Variants in CREB5 observed in about 807,000 individuals in gnomAD.
The protein encoded by CREB5 is cAMP responsive element binding protein 5, also known as cyclic AMP-responsive element-binding protein 5.
CREB5 carries 19 observed loss-of-function variants against 57.1 expected under a neutral mutation model. That is an observed-to-expected ratio of 0.33 (90% CI 0.23 to 0.49). The LOEUF (loss-of-function observed/expected upper bound fraction) is 0.49. Ranked by LOEUF, CREB5 falls within the 20% of genes least tolerant of loss-of-function variation. The pLI is 0.99. For synonymous variants in CREB5, 238 were observed against 238.3 expected (o/e 1.00, Z 0.01); for missense variants, 579 against 671.6 (o/e 0.86, Z 1.52).
At chr7:28,357,178 G>A (rs150788950) in intron 1 of CREB5, among the ~76,000 whole-genome samples, 207 of 152,316 alleles carry the variant, frequency 1.4e-3, no homozygotes, top group African/African-American at 4.9e-3. Flanking sequence ...AGGGAAGGCT[G>A]TGTTGCTGGC....
chr7:28,301,962 G>A (rs1176224023), intron 1 of CREB5, among the ~76,000 whole-genome samples: 1 of 152,194 alleles, frequency 6.6e-6, no homozygotes, highest in Admixed American at 6.5e-5. Flanking sequence ...TCAGAGCTTT[G>A]ATATCTGGAG....
chr7:28,701,937 G>C (rs1311473530), intron 5 of CREB5, among the ~76,000 whole-genome samples: 4 of 152,172 alleles, frequency 2.6e-5, no homozygotes, highest in Admixed American at 1.3e-4. Context: ...TGAACCAATA[G>C]GCCAAAGAGT....
chr7:28,587,029 C>G (rs954640708), intron 5 of CREB5, among the ~76,000 whole-genome samples: 1 of 152,124 alleles, frequency 6.6e-6, no homozygotes, highest in Non-Finnish European at 1.5e-5. Flanking sequence ...GCTATGTGAC[C>G]AACCAAGATA....
chr7:28,548,429 CAGAAAATGACCG>C (rs2128631895), intron 4 of CREB5, among the ~76,000 whole-genome samples: 1 of 152,264 alleles, frequency 6.6e-6, no homozygotes, highest in Admixed American at 6.5e-5. Context: ...CAGGCTTACC[CAGAAAATGACCG>C]TTGTTAGTGA....
At chr7:28,515,653 G>T (rs1004972307) in intron 4 of CREB5, among the ~76,000 whole-genome samples, 3 of 151,776 alleles carry the variant, frequency 2.0e-5, no homozygotes, top group African/African-American at 7.3e-5. Context: ...ACCCTCTTTC[G>T]TTCCACTCCT....
At chr7:28,597,961 T>C (rs957731772) in intron 5 of CREB5, among the ~76,000 whole-genome samples, 2 of 151,798 alleles carry the variant, frequency 1.3e-5, no homozygotes, top group East Asian at 3.9e-4. Flanking sequence ...GGCAAGCTAA[T>C]GTTGATTTCC....
chr7:28,565,792 G>T (rs1339091102), intron 4 of CREB5, among the ~76,000 whole-genome samples: 1 of 152,000 alleles, frequency 6.6e-6, no homozygotes, highest in Admixed American at 6.5e-5. Context: ...GTGGTGGCAC[G>T]TGCCTGTAGT....
Position 28,824,114 on chromosome 7 carries a change from G to T in CREB5, c.*4835G>T, listed in dbSNP as rs922297383. ...AATACTTTACAGATATTTGCACCAG[G>T]TACATTTATGTGCGTCCATTGGTAG... On this transcript the variant is annotated 3_prime_UTR_variant, in exon 11 of 11. Transcript: ENST00000357727. 6.6e-6 allele frequency: 1 copy of T among 152,112 alleles called. No homozygotes were observed. The highest frequency in any genetic ancestry group is 6.6e-5 in the Admixed American group (1 of 15,226). The allele number at this position is 152,112 out of a possible 1,614,324, so 9.4% of individuals were successfully genotyped here.
At position 28,809,360 on chromosome 7, in the gene CREB5, G is replaced by C. The variant is rs948651576; in HGVS notation, c.1200G>C (p.Val400=). The C allele has an allele frequency of 3.1e-6, 5 of 1,614,034 alleles. No homozygotes were observed. Among genetic ancestry groups the C allele is most frequent in the Non-Finnish European group, 4.2e-6 (5 of 1,180,028 alleles). Reference sequence around the variant, plus strand: ...GCAGACAGAAGAGGAAGGTCTGGGTGATGTCATTGGAAAAGAAAGCAGAAG... The same window carrying C: ...GCAGACAGAAGAGGAAGGTCTGGGTCATGTCATTGGAAAAGAAAGCAGAAG... ...TRCRQKRKVW[V]MSLEKKAEEL... is the part of the protein sequence containing the mutation. Residue 400 remains valine, a synonymous_variant, in exon 9 of 11, where the codon GTG becomes GTC. Transcript: ENST00000357727.
chr7:28,651,401 G>C (rs1799123037), intron 5 of CREB5, among the ~76,000 whole-genome samples: 1 of 152,050 alleles, frequency 6.6e-6, no homozygotes, highest in Non-Finnish European at 1.5e-5. Flanking sequence ...TAATGTCATA[G>C]CAGCATATAG....
At chr7:28,515,909 A>AT (rs1554335824) in intron 4 of CREB5, among the ~76,000 whole-genome samples, 3 of 151,096 alleles carry the variant, frequency 2.0e-5, no homozygotes, top group Admixed American at 6.6e-5. Flanking sequence ...TTAAAGTAAA[A>AT]ATATATATAT....
At chr7:28,675,743 A>G (rs1205832551) in intron 5 of CREB5, among the ~76,000 whole-genome samples, 1 of 152,060 alleles carries the variant, frequency 6.6e-6, no homozygotes, top group African/African-American at 2.4e-5. Flanking sequence ...TGCAGTGTGG[A>G]TCCTGTTTCA....
chr7:28,702,425 T>G (rs2128738054), intron 5 of CREB5, among the ~76,000 whole-genome samples: 1 of 152,350 alleles, frequency 6.6e-6, no homozygotes, highest in East Asian at 1.9e-4. Flanking sequence ...AGCCTCAGGC[T>G]TCAGAAAAGC....
At chr7:28,697,064 AC>A (rs1222772706) in intron 5 of CREB5, among the ~76,000 whole-genome samples, 6 of 151,616 alleles carry the variant, frequency 4.0e-5, no homozygotes, top group Non-Finnish European at 7.4e-5. Flanking sequence ...TAATATGCAC[AC>A]ATACATATTT....
intron 5 of CREB5, among the ~76,000 whole-genome samples, chr7:28,702,095 TA>T (rs1216394579): frequency 1.3e-5 from 2 of 152,204 alleles, no homozygotes; most frequent in Non-Finnish European, 2.9e-5. Flanking sequence ...TTGAGTAATA[TA>T]ACAGAAGGTC....
At chr7:28,445,586 C>G (rs1221068092) in intron 1 of CREB5, among the ~76,000 whole-genome samples, 1 of 151,506 alleles carries the variant, frequency 6.6e-6, no homozygotes, top group Non-Finnish European at 1.5e-5. Context: ...GAATCTCGCT[C>G]TGTTGCCCAG....
chr7:28,348,692 CT>C (rs1340513574), intron 1 of CREB5, among the ~76,000 whole-genome samples: 2 of 152,108 alleles, frequency 1.3e-5, no homozygotes, highest in African/African-American at 2.4e-5. Context: ...AATATATGAC[CT>C]TTTTCCTAAA....
rs541662137 is a variant in CREB5 at position 28,800,202 on chromosome 7, A to G, written c.703-3997A>G. Among the ~76,000 whole-genome samples the G allele has an allele frequency of 2.0e-5, 3 of 152,364 alleles. No individual in the cohort carries two copies. In the South Asian group the frequency reaches 6.2e-4, roughly 32 times the overall value. On this transcript the variant is annotated intron_variant, in intron 7 of 10. Coordinates refer to ENST00000357727, the MANE Select transcript of CREB5 (RefSeq NM_182898.4). ...ACCATATAACAACAGGAACTGATTT[A>G]CACTAGGAGACCAGGGAGAAGTTTA...
chr7:28,601,861 C>CT (rs2128670441), intron 5 of CREB5, among the ~76,000 whole-genome samples: 1 of 152,240 alleles, frequency 6.6e-6, no homozygotes, highest in Admixed American at 6.5e-5. Flanking sequence ...TGAAGCATTA[C>CT]TATAGTTAGG....
Sources: gnomAD v4.1 joint callset for allele counts (sites outside exome capture counted in the v4.1 genomes callset) on GRCh38, gnomAD v4.1.1 for gene constraint, MANE v1.5 for transcripts, NCBI Gene and HGNC (gene_info 2026-07-23, HGNC 2026-07-21) for gene names.